The following GRIP1 variants were observed in gnomAD, a reference collection of about 807,000 sequenced individuals.
GRIP1 encodes glutamate receptor interacting protein 1.
Under a neutral mutation model 129.9 loss-of-function variants are expected in GRIP1, and 45 were observed. That is an observed-to-expected ratio of 0.35 (90% CI 0.27 to 0.44). The LOEUF (loss-of-function observed/expected upper bound fraction) is 0.44, where lower values mean the gene tolerates loss of function less well. GRIP1 is among the 20% of genes least tolerant of loss of function. The pLI is 1.00. For missense variants in GRIP1, 1,196 were observed against 1,396.8 expected, an observed-to-expected ratio of 0.86 and a Z score of 2.29; for synonymous variants, 530 against 520.8, an observed-to-expected ratio of 1.02 and a Z score of -0.24.
At chr12:66,473,611 G>A (rs1183009479) in intron 7 of GRIP1, among the ~76,000 whole-genome samples, 4 of 152,192 alleles carry the variant, frequency 2.6e-5, no homozygotes, top group African/African-American at 9.6e-5. Context: ...GTGCCCCTCT[G>A]GGACGAAGCT....
intron 1 of GRIP1, among the ~76,000 whole-genome samples, chr12:67,032,476 T>C (rs1474678919): frequency 1.3e-5 from 2 of 152,190 alleles, no homozygotes; most frequent in Non-Finnish European, 2.9e-5. Context: ...CAAATTAACC[T>C]AAAAGGAGTT....
chr12:67,026,959 G>A (rs1430685335), intron 1 of GRIP1, among the ~76,000 whole-genome samples: 1 of 152,116 alleles, frequency 6.6e-6, no homozygotes, highest in African/African-American at 2.4e-5. Context: ...GTATCGCTCT[G>A]TCATTCAGCC....
At chr12:66,470,957 T>A (rs943752031) in intron 7 of GRIP1, among the ~76,000 whole-genome samples, 1 of 152,168 alleles carries the variant, frequency 6.6e-6, no homozygotes, top group African/African-American at 2.4e-5. Flanking sequence ...AAGGGACCAG[T>A]TTCAGTGAAC....
intron 1 of GRIP1, among the ~76,000 whole-genome samples, chr12:66,648,169 G>T (rs1397067354): frequency 6.8e-6 from 1 of 147,428 alleles, no homozygotes; most frequent in African/African-American, 2.5e-5. Context: ...CAACTTAAGG[G>T]GCACCATCTG....
intron 1 of GRIP1, among the ~76,000 whole-genome samples, chr12:66,872,899 G>A (rs1051733897): frequency 2.6e-5 from 4 of 152,168 alleles, no homozygotes; most frequent in African/African-American, 7.2e-5. Context: ...GGACACAGAG[G>A]ACATATGTTC....
chr12:66,527,884 T>C (rs2061310205), intron 5 of GRIP1, among the ~76,000 whole-genome samples: 1 of 151,908 alleles, frequency 6.6e-6, no homozygotes, highest in African/African-American at 2.4e-5. Flanking sequence ...ATTACTTGGA[T>C]GACAAAATTA....
intron 1 of GRIP1, among the ~76,000 whole-genome samples, chr12:66,878,366 G>C (rs1217821257): frequency 6.6e-6 from 1 of 152,050 alleles, no homozygotes; most frequent in Non-Finnish European, 1.5e-5. Flanking sequence ...GGTAGGATTT[G>C]AGCTAAGCTT....
chr12:66,707,461 G>T (rs1053623698), intron 1 of GRIP1, among the ~76,000 whole-genome samples: 2 of 142,688 alleles, frequency 1.4e-5, no homozygotes, highest in Admixed American at 7.3e-5. Context: ...CTGAGTAGCA[G>T]TGACAGACCT....
rs772056202 is a variant in GRIP1, at chr12:66,445,492, G to A, written c.1371C>T (p.Ser457=). 4 of 1,613,282 alleles carry A rather than the reference G, an allele frequency of 2.5e-6. No homozygotes were observed. The highest frequency in any genetic ancestry group is 3.4e-6 in the Non-Finnish European group (4 of 1,179,506). ...DFKSSLSLAS[S]TVGLAGQVVH... ...CAACCTGCCCAGCCAATCCTACTGT[G>A]CTGGAGGCTAAGGACACTAGAGGAA... Residue 457 remains serine, a synonymous_variant, in exon 12 of 25, where the codon AGC becomes AGT. Coordinates refer to ENST00000359742, the MANE Select transcript of GRIP1 (RefSeq NM_001366722.1).
At chr12:66,616,266 T>C (rs2065035191) in intron 1 of GRIP1, among the ~76,000 whole-genome samples, 1 of 151,964 alleles carries the variant, frequency 6.6e-6, no homozygotes, top group African/African-American at 2.4e-5. Flanking sequence ...TTTTTTTAAA[T>C]AAAAAAATAC....
chr12:66,536,324 C>T (rs2870849), intron 4 of GRIP1, among the ~76,000 whole-genome samples: 13,298 of 152,230 alleles, frequency 0.087, 638 homozygotes, highest in Admixed American at 0.15. Context: ...CATATAGTGA[C>T]TTCCTGTATC....
At chr12:66,379,545 C>A in intron 19 of GRIP1, 109 bp from the exon 20 acceptor site, 1 of 1,024,114 alleles carries the variant, frequency 9.8e-7, no homozygotes, top group Non-Finnish European at 1.5e-6. Context: ...ATGACAATAA[C>A]AATAGTGAAC....
chr12:66,372,185 G>T (rs2055544487), intron 22 of GRIP1: 1 of 562,422 alleles, frequency 1.8e-6, no homozygotes, highest in East Asian at 3.1e-5. Flanking sequence ...ACCACCCCTG[G>T]CAGTTTTGAG....
intron 1 of GRIP1, among the ~76,000 whole-genome samples, chr12:66,614,133 G>T (rs2064933604): frequency 6.6e-6 from 1 of 151,842 alleles, no homozygotes; most frequent in African/African-American, 2.4e-5. Context: ...ATAAGTATAT[G>T]CCCTAGGATT....
At chr12:66,485,784 T>A (rs1302903316) in intron 7 of GRIP1, among the ~76,000 whole-genome samples, 4 of 151,790 alleles carry the variant, frequency 2.6e-5, no homozygotes, top group Admixed American at 2.6e-4. Context: ...ATATAATTGA[T>A]CCATTATCAT....
At chr12:66,415,662 G>A (rs113821346) in intron 15 of GRIP1, among the ~76,000 whole-genome samples, 7,391 of 151,978 alleles carry the variant, frequency 0.049, 602 homozygotes, top group African/African-American at 0.17. Flanking sequence ...AAATACATGG[G>A]ATCAACCCAA....
rs76880813 is a variant in GRIP1 at position 66,552,607 on chromosome 12, C to T, written c.137-10657G>A. The stretch of plus-strand genomic sequence containing the variant: ...CATGTAACTAAATGCTACAAAGTTT[C>T]AGACTCATCATACAGTAATTGTCAA... On this transcript the variant is annotated intron_variant, in intron 2 of 24. Coordinates refer to ENST00000359742, the MANE Select transcript of GRIP1 (RefSeq NM_001366722.1). 7.0e-3 allele frequency among the ~76,000 whole-genome samples: 1,060 copies of T among 152,264 alleles called. 10 individuals are homozygous for T. The highest frequency in any genetic ancestry group is 0.024 in the African/African-American group (994 of 41,556).
intron 7 of GRIP1, among the ~76,000 whole-genome samples, chr12:66,502,610 A>G (rs2060421903): frequency 6.6e-6 from 1 of 152,126 alleles, no homozygotes; most frequent in South Asian, 2.1e-4. Context: ...GTGTGTTCTC[A>G]TAAGATTTGG....
chr12:67,009,787 G>C (rs1277951841), intron 1 of GRIP1, among the ~76,000 whole-genome samples: 1 of 152,168 alleles, frequency 6.6e-6, no homozygotes, highest in African/African-American at 2.4e-5. Context: ...ATACATGAGT[G>C]TGGGAAACCA....
Sources: gnomAD v4.1 joint callset for allele counts (sites outside exome capture counted in the v4.1 genomes callset) on GRCh38, gnomAD v4.1.1 for gene constraint, MANE v1.5 for transcripts, NCBI Gene and HGNC (gene_info 2026-07-23, HGNC 2026-07-21) for gene names.